MTMR14: variants seen among roughly 807,000 people sequenced by gnomAD.
MTMR14 encodes the protein myotubularin related protein 14.
In MTMR14, 48 loss-of-function variants were observed where a neutral mutation model predicts 86.3. The ratio of observed to expected loss-of-function variants is 0.56; its 90% CI spans 0.44 to 0.71. The LOEUF is 0.71. MTMR14 is among the 30% of genes least tolerant of loss of function. The pLI is 0.00. For missense variants in MTMR14, 780 were observed against 834.6 expected, an observed-to-expected ratio of 0.93 and a Z score of 0.81; for synonymous variants, 366 against 326.1, an observed-to-expected ratio of 1.12 and a Z score of -1.32.
At chr3:9,695,035 A>T (rs543046209) in intron 17 of MTMR14, among the ~76,000 whole-genome samples, 2 of 152,324 alleles carry the variant, frequency 1.3e-5, no homozygotes, top group East Asian at 3.9e-4. Context: ...TGTTCTCTCC[A>T]GTCCTGTAGT....
Position 9,649,545 on chromosome 3 carries a change from G to C in MTMR14, c.-39G>C. 3 of 1,519,668 alleles carry C rather than the reference G, an allele frequency of 2.0e-6. No individual in the cohort carries two copies. The highest frequency in any genetic ancestry group is 2.5e-5 in the South Asian group (2 of 80,908). The allele number at this position is 1,519,668 out of a possible 1,614,324, so 94.1% of individuals were successfully genotyped here. ...AGTTGGGTGCAGGCAGGTGCCATGG[G>C]CCCGCTTGAGGCACACTGAGGGGAC... On this transcript the variant is annotated 5_prime_UTR_variant, in exon 1 of 19. Transcript: ENST00000296003.
chr3:9,690,180 T>C (rs1436573948), intron 17 of MTMR14, 37 bp downstream of exon 17: 2 of 1,608,476 alleles, frequency 1.2e-6, no homozygotes, highest in East Asian at 4.5e-5. Flanking sequence ...TGGAAGTGCC[T>C]AGCTTTCCCC....
chr3:9,672,550 G>A, intron 6 of MTMR14, 135 bp from the exon 7 acceptor site: 1 of 801,766 alleles, frequency 1.2e-6, no homozygotes, highest in Non-Finnish European at 2.2e-6. Flanking sequence ...AGGCACTGCT[G>A]AAGGGAATTA....
At chr3:9,656,846 G>T (rs905649959) in intron 2 of MTMR14, among the ~76,000 whole-genome samples, 2 of 152,162 alleles carry the variant, frequency 1.3e-5, no homozygotes, top group Non-Finnish European at 2.9e-5. Context: ...CTTTGGTGCT[G>T]GCTGGCTGGT....
At chr3:9,692,249 C>T (rs1267959184) in intron 17 of MTMR14, among the ~76,000 whole-genome samples, 1 of 152,130 alleles carries the variant, frequency 6.6e-6, no homozygotes, top group Non-Finnish European at 1.5e-5. Flanking sequence ...ATTCTACAGG[C>T]ATCTCTCTTT....
chr3:9,659,591 G>A (rs898452128), intron 2 of MTMR14: 1 of 399,562 alleles, frequency 2.5e-6, no homozygotes, highest in South Asian at 1.8e-5. Context: ...TTAGAGGCGC[G>A]TGCTGCCACG....
chr3:9,657,936 T>C (rs2125001680), intron 2 of MTMR14, among the ~76,000 whole-genome samples: 1 of 152,330 alleles, frequency 6.6e-6, no homozygotes, highest in East Asian at 1.9e-4. Flanking sequence ...AGAGTGGGGT[T>C]AAAAGCTGTA....
Position 9,677,195 on chromosome 3 carries a change from T to C in MTMR14, c.752-122T>C. ...CTTGGCCTCACTGAAGCCACTAGCTTGGAGAAGTGTGAGTTGGCGGCCCCC... is the reference window on the plus strand; with the variant it reads ...CTTGGCCTCACTGAAGCCACTAGCTCGGAGAAGTGTGAGTTGGCGGCCCCC... On this transcript the variant is annotated intron_variant, in intron 7 of 18. Transcript: ENST00000296003. The surrounding 1 kb of genome is among the most constrained non-coding windows in gnomAD (Gnocchi z 4.2). The C allele has an allele frequency of 1.2e-6, 1 of 830,174 alleles. No homozygotes were observed. The highest frequency in any genetic ancestry group is 2.0e-6 in the Non-Finnish European group (1 of 495,730). 51.4% of individuals were successfully genotyped at this position (830,174 alleles called of 1,614,324 possible).
intron 4 of MTMR14, among the ~76,000 whole-genome samples, chr3:9,669,074 A>C (rs2048421732): frequency 6.7e-6 from 1 of 149,616 alleles, no homozygotes. Context: ...CGGGAGATGG[A>C]GGTTGCAGTG....
chr3:9,659,493 G>T (rs2047796600), intron 2 of MTMR14: 1 of 250,988 alleles, frequency 4.0e-6, no homozygotes, highest in Non-Finnish European at 8.1e-6. Context: ...GCCCAGGCTG[G>T]AGTGCAGTGG....
chr3:9,658,918 G>A (rs1288636872), intron 2 of MTMR14, among the ~76,000 whole-genome samples: 1 of 152,236 alleles, frequency 6.6e-6, no homozygotes, highest in Non-Finnish European at 1.5e-5. Flanking sequence ...GGCTGGGCAT[G>A]GTGGCTCACG....
At chr3:9,666,636 A>C (rs918194925) in intron 3 of MTMR14, among the ~76,000 whole-genome samples, 2 of 152,226 alleles carry the variant, frequency 1.3e-5, no homozygotes, top group Non-Finnish European at 2.9e-5. Context: ...GTAAGTTCTC[A>C]TACCATTTTC....
At chr3:9,652,038 G>T (rs1352395517) in intron 1 of MTMR14, among the ~76,000 whole-genome samples, 1 of 152,030 alleles carries the variant, frequency 6.6e-6, no homozygotes. Context: ...CACCATGTTG[G>T]CCAGGATTAT....
chr3:9,688,600 A>G (rs41278545), intron 14 of MTMR14, 96 bp from the exon 15 acceptor site: 79,813 of 1,445,808 alleles, frequency 0.055, 2,936 homozygotes, highest in South Asian at 0.14. Context: ...TTGCCAGTGA[A>G]TTGAGCTGCT....
At chr3:9,657,753 C>T (rs1236334321) in intron 2 of MTMR14, among the ~76,000 whole-genome samples, 1 of 152,000 alleles carries the variant, frequency 6.6e-6, no homozygotes, top group Non-Finnish European at 1.5e-5. Flanking sequence ...GTTTCAACAT[C>T]TTGGCCAGGC....
At chr3:9,688,815 G>T (rs1234512112) in intron 15 of MTMR14, 61 bp downstream of exon 15, 26 of 1,612,114 alleles carry the variant, frequency 1.6e-5, no homozygotes, top group Non-Finnish European at 2.2e-5. Context: ...TACAGATCAG[G>T]CAGGAACTGT....
chr3:9,691,334 CGGTGCCCCGTCCCA>C (rs1418955927), intron 17 of MTMR14, among the ~76,000 whole-genome samples: 1 of 152,192 alleles, frequency 6.6e-6, no homozygotes, highest in Non-Finnish European at 1.5e-5. Flanking sequence ...GCCCATGTGC[CGGTGCCCCGTCCCA>C]TCCTGTGTGT....
At position 9,662,307 on chromosome 3, in the gene MTMR14, A is replaced by G. The variant is rs2047987473; in HGVS notation, c.349A>G (p.Ile117Val). Residue 117 changes from isoleucine (I) to valine (V), a missense_variant, in exon 3 of 19, where the codon ATC becomes GTC. Transcript: ENST00000296003. Reference sequence around the variant, plus strand: ...ACAGGTGAGCAAGTTGCAAGACCTCATCCACCGCAGCAAGATGGCCCGGTG... The same window carrying G: ...ACAGGTGAGCAAGTTGCAAGACCTCGTCCACCGCAGCAAGATGGCCCGGTG... ...TVQVSKLQDL[I>V]HRSKMARCRG... is the part of the protein sequence containing the mutation. 2.5e-6 allele frequency: 4 copies of G among 1,613,326 alleles called. No homozygotes were observed. Among genetic ancestry groups the G allele is most frequent in the South Asian group, 1.1e-5 (1 of 91,028 alleles).
chr3:9,653,053 A>G (rs1316245271), intron 1 of MTMR14, among the ~76,000 whole-genome samples: 1 of 152,226 alleles, frequency 6.6e-6, no homozygotes, highest in Non-Finnish European at 1.5e-5. Context: ...CCTGGCCAAC[A>G]TGGTGAAACC....
Sources: gnomAD v4.1 joint callset for allele counts (sites outside exome capture counted in the v4.1 genomes callset) on GRCh38, gnomAD v4.1.1 for gene constraint, Gnocchi (gnomAD v3.1) non-coding constraint, MANE v1.5 for transcripts, NCBI Gene and HGNC (gene_info 2026-07-23, HGNC 2026-07-21) for gene names.